CREBL2: variants seen among roughly 807,000 people sequenced by gnomAD.
CREBL2 encodes the protein cAMP responsive element binding protein like 2.
CREBL2 carries 4 observed loss-of-function variants against 19.5 expected under a neutral mutation model. That is an observed-to-expected ratio of 0.20 (90% CI 0.10 to 0.47). The LOEUF is 0.47. CREBL2 is among the 20% of genes least tolerant of loss of function. The pLI is 0.98. For missense variants in CREBL2, 85 were observed against 145.1 expected (o/e 0.59, Z 2.13); for synonymous variants, 42 against 46.6 (o/e 0.90, Z 0.40).
intron 3 of CREBL2, among the ~76,000 whole-genome samples, chr12:12,639,600 A>T (rs558589123): frequency 6.6e-6 from 1 of 152,256 alleles, no homozygotes; most frequent in South Asian, 2.1e-4. Flanking sequence ...TTCTTTGGGG[A>T]AATGTCTAGG....
At chr12:12,623,576 G>C (rs1327501870) in intron 1 of CREBL2, among the ~76,000 whole-genome samples, 2 of 152,156 alleles carry the variant, frequency 1.3e-5, no homozygotes, top group Non-Finnish European at 2.9e-5. Flanking sequence ...TGGGGTTCAG[G>C]CTGGTGGTCT....
intron 1 of CREBL2, among the ~76,000 whole-genome samples, chr12:12,630,558 T>C (rs1463870886): frequency 6.6e-6 from 1 of 152,198 alleles, no homozygotes; most frequent in Non-Finnish European, 1.5e-5. Flanking sequence ...TTTGGTTTCA[T>C]TGATTTTTCT....
rs771945327 is a variant in CREBL2 at position 12,637,620 on chromosome 12, A to G, written c.264A>G (p.Ile88Met). 1.2e-6 allele frequency: 2 copies of G among 1,610,626 alleles called. No individual in the cohort carries two copies. Among genetic ancestry groups the G allele is most frequent in the East Asian group, 4.5e-5 (2 of 44,832 alleles). Residue 88 changes from isoleucine (I) to methionine (M), a missense_variant, in exon 3 of 4, where the codon ATA becomes ATG. Ile to Met is a conservative substitution (Grantham distance 10). This residue lies in a region of CREBL2 where 42 missense variants were observed against 38.4 expected (regional missense o/e 1.09). Transcript: ENST00000228865. ...AMDQGKIPSE[I>M]KALLTGEEQN... Reference sequence around the variant, plus strand: ...ACCAAGGAAAAATCCCTTCTGAAATAAAGGCCCTACTCACTGGAGAAGAGC... The same window carrying G: ...ACCAAGGAAAAATCCCTTCTGAAATGAAGGCCCTACTCACTGGAGAAGAGC...
At chr12:12,618,113 C>G (rs1945327337) in intron 1 of CREBL2, among the ~76,000 whole-genome samples, 1 of 152,272 alleles carries the variant, frequency 6.6e-6, no homozygotes, top group South Asian at 2.1e-4. Flanking sequence ...CTTTTCCCCA[C>G]ATTTCCCCCT....
intron 3 of CREBL2, among the ~76,000 whole-genome samples, chr12:12,639,779 C>G (rs142964178): frequency 6.6e-6 from 1 of 150,912 alleles, no homozygotes; most frequent in Admixed American, 6.6e-5. Context: ...ACAGCTGGGC[C>G]GCCAGGGGTG....
intron 1 of CREBL2, among the ~76,000 whole-genome samples, chr12:12,616,812 A>G (rs1945315160): frequency 6.6e-6 from 1 of 152,184 alleles, no homozygotes; most frequent in East Asian, 1.9e-4. Flanking sequence ...GTAAGGGAAG[A>G]TGAGGATTGG....
At chr12:12,626,128 T>C (rs967628428) in intron 1 of CREBL2, among the ~76,000 whole-genome samples, 1 of 152,170 alleles carries the variant, frequency 6.6e-6, no homozygotes, top group Non-Finnish European at 1.5e-5. Context: ...GGGAGGTAAA[T>C]GGTCCAAGAA....
intron 1 of CREBL2, among the ~76,000 whole-genome samples, chr12:12,615,099 C>T (rs1200336691): frequency 3.9e-5 from 6 of 152,208 alleles, no homozygotes; most frequent in South Asian, 4.2e-4. Context: ...ACTATAAACT[C>T]CGCCTCCCGG....
At chr12:12,629,414 AT>A (rs1945426271) in intron 1 of CREBL2, among the ~76,000 whole-genome samples, 1 of 151,890 alleles carries the variant, frequency 6.6e-6, no homozygotes, top group Admixed American at 6.6e-5. Flanking sequence ...TCATTTTCAG[AT>A]TGTTCATTGA....
intron 1 of CREBL2, among the ~76,000 whole-genome samples, chr12:12,630,244 A>G (rs1945433439): frequency 6.6e-6 from 1 of 152,180 alleles, no homozygotes. Flanking sequence ...TACTAATCGA[A>G]TAAAATTTTT....
At chr12:12,623,285 A>G (rs1945374903) in intron 1 of CREBL2, among the ~76,000 whole-genome samples, 2 of 152,090 alleles carry the variant, frequency 1.3e-5, no homozygotes, top group South Asian at 2.1e-4. Flanking sequence ...GAAGTAGAAA[A>G]CACAGCTTCT....
At chr12:12,623,242 T>G (rs2136301674) in intron 1 of CREBL2, among the ~76,000 whole-genome samples, 1 of 152,230 alleles carries the variant, frequency 6.6e-6, no homozygotes, top group East Asian at 1.9e-4. Flanking sequence ...CTTAAATGCC[T>G]GGCTCTGTGC....
intron 1 of CREBL2, among the ~76,000 whole-genome samples, chr12:12,627,479 T>C (rs938567960): frequency 6.6e-6 from 1 of 152,220 alleles, no homozygotes; most frequent in Admixed American, 6.5e-5. Context: ...AATAATACAA[T>C]ATGTGGCCTT....
chr12:12,612,217 CCTT>C (rs1945273093), intron 1 of CREBL2, 30 bp downstream of exon 1: 1 of 1,613,470 alleles, frequency 6.2e-7, no homozygotes, highest in East Asian at 2.2e-5. Context: ...CGCGCCGCCG[CCTT>C]CTTGTCGCTC....
intron 3 of CREBL2, among the ~76,000 whole-genome samples, chr12:12,638,320 C>G (rs1265296021): frequency 2.0e-5 from 3 of 152,012 alleles, no homozygotes; most frequent in Non-Finnish European, 4.4e-5. Flanking sequence ...GCCTGTAATC[C>G]CAGCTACTCA....
chr12:12,636,506 A>G (rs536267038), intron 2 of CREBL2, among the ~76,000 whole-genome samples: 75 of 151,854 alleles, frequency 4.9e-4, no homozygotes, highest in Non-Finnish European at 9.1e-4. Flanking sequence ...TGCAAGCTCT[A>G]CCTCCCAGGT....
rs1945535540 is a variant in CREBL2, at chr12:12,642,905, G to T, written c.*907G>T. 6.6e-6 allele frequency: 1 copy of T among 152,588 alleles called. No homozygotes were observed. Among genetic ancestry groups the T allele is most frequent in the African/African-American group, 2.4e-5 (1 of 41,422 alleles). The allele number at this position is 152,588 out of a possible 1,614,324, so 9.5% of individuals were successfully genotyped here. ...GAGTGAATGTTCACACACTTTTCTT[G>T]CGTACTCAACTAAATTGGAGAATGT... On this transcript the variant is annotated 3_prime_UTR_variant, in exon 4 of 4. Transcript: ENST00000228865.
intron 1 of CREBL2, among the ~76,000 whole-genome samples, chr12:12,632,308 A>C (rs1592241263): frequency 6.8e-6 from 1 of 147,288 alleles, no homozygotes; most frequent in Admixed American, 6.8e-5. Context: ...CGATCTCCTG[A>C]CCTCGTGATC....
intron 1 of CREBL2, among the ~76,000 whole-genome samples, chr12:12,620,180 G>A (rs1360158512): frequency 1.3e-5 from 2 of 151,948 alleles, no homozygotes; most frequent in Admixed American, 6.6e-5. Context: ...GAGCCATGTT[G>A]TCTATTAAAC....
Sources: gnomAD v4.1 joint callset for allele counts (sites outside exome capture counted in the v4.1 genomes callset) on GRCh38, gnomAD v4.1.1 for gene constraint, gnomAD v4.1.1 regional missense constraint, MANE v1.5 for transcripts, NCBI Gene and HGNC (gene_info 2026-07-23, HGNC 2026-07-21) for gene names.